The following SPTSSB variants were observed in gnomAD, a reference collection of about 807,000 sequenced individuals.
SPTSSB encodes the protein androgen down regulated in mouse prostate.
In SPTSSB, 6 loss-of-function variants were observed where a neutral mutation model predicts 7.7. The observed-to-expected ratio is 0.78, with a 90% confidence interval of 0.43 to 1.54. The LOEUF (loss-of-function observed/expected upper bound fraction) is 1.54, where lower values mean the gene tolerates loss of function less well. Ranked by LOEUF, SPTSSB falls within the 40% of genes most tolerant of loss-of-function variation. The pLI is 0.01. For synonymous variants in SPTSSB, 28 were observed against 29.7 expected, an observed-to-expected ratio of 0.94 and a Z score of 0.19; for missense variants, 91 against 93.0, an observed-to-expected ratio of 0.98 and a Z score of 0.09.
chr3:161,365,663 C>A lies in SPTSSB; in HGVS notation c.-125-5769G>T, dbSNP rs528792171. Among the ~76,000 whole-genome samples the A allele has an allele frequency of 9.2e-5, 14 of 152,326 alleles. No individual in the cohort carries two copies. In the South Asian group the frequency reaches 2.9e-3, roughly 32 times the overall value. On this transcript the variant is annotated intron_variant, in intron 1 of 2. Coordinates refer to ENST00000620149, the MANE Select transcript of SPTSSB (RefSeq NM_001040100.2). ...TGAGAATTCTAATGCTCCATAATAA[C>A]TCCCTTGTGACAGGGGGTCTTTTGA...
At chr3:161,362,177 T>C (rs928520832) in intron 1 of SPTSSB, among the ~76,000 whole-genome samples, 23 of 152,084 alleles carry the variant, frequency 1.5e-4, no homozygotes, top group Admixed American at 6.6e-5. Context: ...CTATGCCTAA[T>C]TTTTCTATCA....
At chr3:161,357,003 T>C (rs1475411033) in intron 2 of SPTSSB, among the ~76,000 whole-genome samples, 1 of 151,464 alleles carries the variant, frequency 6.6e-6, no homozygotes, top group Admixed American at 6.6e-5. Flanking sequence ...AAAATAAAAA[T>C]AAAAAAGGAA....
intron 1 of SPTSSB, among the ~76,000 whole-genome samples, chr3:161,365,957 T>C (rs1446822776): frequency 1.3e-5 from 2 of 152,100 alleles, no homozygotes; most frequent in Non-Finnish European, 2.9e-5. Context: ...TTTTTTTCAG[T>C]TGGTCTGTGG....
At chr3:161,362,551 C>G (rs1189208916) in intron 1 of SPTSSB, among the ~76,000 whole-genome samples, 1 of 152,008 alleles carries the variant, frequency 6.6e-6, no homozygotes, top group African/African-American at 2.4e-5. Context: ...TTTTTTGATT[C>G]TATAAACAAG....
rs1714196308 is a variant in SPTSSB at position 161,345,834 on chromosome 3, T to G, written c.*259A>C. The G allele has an allele frequency of 3.3e-6, 1 of 306,922 alleles. No homozygotes were observed. The highest frequency in any genetic ancestry group is 6.5e-5 in the East Asian group (1 of 15,344). The allele number at this position is 306,922 out of a possible 1,614,324, so 19.0% of individuals were successfully genotyped here. ...TCTGATTTTAAATAAACTAAATTCA[T>G]AGATTTGTGTTGACAGAATATGATT... On this transcript the variant is annotated 3_prime_UTR_variant, in exon 3 of 3. Transcript: ENST00000620149.
chr3:161,366,354 A>G (rs1421009477), intron 1 of SPTSSB, among the ~76,000 whole-genome samples: 1 of 152,158 alleles, frequency 6.6e-6, no homozygotes, highest in East Asian at 1.9e-4. Context: ...TGTCTTCCTT[A>G]TGCTTACTTG....
At chr3:161,366,487 G>A (rs1576903181) in intron 1 of SPTSSB, among the ~76,000 whole-genome samples, 2 of 152,264 alleles carry the variant, frequency 1.3e-5, no homozygotes, top group African/African-American at 4.8e-5. Context: ...GGGGAAGAGA[G>A]AAATTAACTG....
chr3:161,345,542 T>C lies in SPTSSB; in HGVS notation c.*551A>G, dbSNP rs1714180140. 6.5e-6 allele frequency: 1 copy of C among 152,708 alleles called. No homozygotes were observed. The highest frequency in any genetic ancestry group is 2.4e-5 in the African/African-American group (1 of 41,446). The allele number at this position is 152,708 out of a possible 1,614,324, so 9.5% of individuals were successfully genotyped here. A position where few individuals can be genotyped will look rare whatever the true frequency, so the allele number is the denominator to read the frequency against. ...ATGAACTCTGTATGAAAGGAAATAA[T>C]TGCCTCCAGCTTATTCTTTTGCATT... On this transcript the variant is annotated 3_prime_UTR_variant, in exon 3 of 3. Coordinates refer to ENST00000620149, the MANE Select transcript of SPTSSB (RefSeq NM_001040100.2).
intron 2 of SPTSSB, among the ~76,000 whole-genome samples, chr3:161,350,804 A>T (rs1714498380): frequency 6.6e-6 from 1 of 152,204 alleles, no homozygotes; most frequent in South Asian, 2.1e-4. Context: ...AAAACTGATA[A>T]GCCCTGCTTC....
At chr3:161,356,682 G>A (rs1278089757) in intron 2 of SPTSSB, among the ~76,000 whole-genome samples, 1 of 152,168 alleles carries the variant, frequency 6.6e-6, no homozygotes, top group Non-Finnish European at 1.5e-5. Flanking sequence ...TATCTGGAAA[G>A]CTGTGGTGAT....
chr3:161,351,501 A>T (rs1314334563), intron 2 of SPTSSB, among the ~76,000 whole-genome samples: 1 of 152,160 alleles, frequency 6.6e-6, no homozygotes, highest in African/African-American at 2.4e-5. Context: ...ATATCCTTGC[A>T]TAAGAGACTG....
intron 1 of SPTSSB, among the ~76,000 whole-genome samples, chr3:161,360,563 G>A (rs575762147): frequency 6.6e-6 from 1 of 152,280 alleles, no homozygotes; most frequent in Non-Finnish European, 1.5e-5. Context: ...AATTTGTGAA[G>A]CATCATAAAG....
At chr3:161,349,645 A>G (rs963051354) in intron 2 of SPTSSB, among the ~76,000 whole-genome samples, 1 of 152,204 alleles carries the variant, frequency 6.6e-6, no homozygotes, top group South Asian at 2.1e-4. Flanking sequence ...ATGTTCTTAG[A>G]TCTTTCATGA....
intron 1 of SPTSSB, among the ~76,000 whole-genome samples, chr3:161,367,405 T>C (rs1338469032): frequency 2.0e-5 from 3 of 152,206 alleles, no homozygotes; most frequent in Non-Finnish European, 2.9e-5. Context: ...GCCGGTAGAC[T>C]TAAATCCCTA....
intron 1 of SPTSSB, among the ~76,000 whole-genome samples, chr3:161,367,889 A>T (rs1207923088): frequency 6.6e-6 from 1 of 152,204 alleles, no homozygotes; most frequent in Non-Finnish European, 1.5e-5. Flanking sequence ...GGCCTGAATC[A>T]CTGATAAAGG....
intron 2 of SPTSSB, among the ~76,000 whole-genome samples, chr3:161,347,558 G>A (rs1212522424): frequency 2.0e-5 from 3 of 151,988 alleles, no homozygotes; most frequent in African/African-American, 2.4e-5. Context: ...CACTGTACCC[G>A]AACTTGTTGT....
At chr3:161,358,291 G>T (rs1382286528) in intron 2 of SPTSSB, among the ~76,000 whole-genome samples, 2 of 152,150 alleles carry the variant, frequency 1.3e-5, no homozygotes, top group Non-Finnish European at 2.9e-5. Context: ...TGAGGGCCAT[G>T]TGGGGAGCTG....
In SPTSSB at chr3:161,346,374, G is replaced by C; in HGVS notation, c.-32-19C>G. 1 of 1,260,090 alleles carries C rather than the reference G, an allele frequency of 7.9e-7. No homozygotes were observed. The highest frequency in any genetic ancestry group is 1.2e-6 in the Non-Finnish European group (1 of 860,484). 78.1% of individuals were successfully genotyped at this position (1,260,090 alleles called of 1,614,324 possible). On this transcript the variant is annotated intron_variant, in intron 2 of 2. Transcript: ENST00000620149. ...GTTTGTCCTGTTAAAGAATGTAACA[G>C]ATTAGAGGATGAGGAACCAAACATA...
At chr3:161,353,275 C>A (rs917525138) in intron 2 of SPTSSB, among the ~76,000 whole-genome samples, 1 of 152,134 alleles carries the variant, frequency 6.6e-6, no homozygotes, top group Non-Finnish European at 1.5e-5. Flanking sequence ...ATTTGTAAAA[C>A]TTTAAGCCAC....
Sources: gnomAD v4.1 joint callset for allele counts (sites outside exome capture counted in the v4.1 genomes callset) on GRCh38, gnomAD v4.1.1 for gene constraint, MANE v1.5 for transcripts, NCBI Gene and HGNC (gene_info 2026-07-23, HGNC 2026-07-21) for gene names.